PCMT1: variants seen among roughly 807,000 people sequenced by gnomAD.
PCMT1 encodes the protein protein-L-isoaspartate (D-aspartate) O-methyltransferase.
PCMT1 carries 9 observed loss-of-function variants against 29.2 expected under a neutral mutation model. The ratio of observed to expected loss-of-function variants is 0.31; its 90% CI spans 0.19 to 0.54. The LOEUF is 0.54. Ranked by LOEUF, PCMT1 falls within the 20% of genes least tolerant of loss-of-function variation. The pLI is 0.95. For synonymous variants in PCMT1, 98 were observed against 97.5 expected (o/e 1.00, Z -0.03); for missense variants, 184 against 282.2 (o/e 0.65, Z 2.49).
chr6:149,770,933 A>C (rs1426481055), intron 1 of PCMT1, among the ~76,000 whole-genome samples: 6 of 151,612 alleles, frequency 4.0e-5, no homozygotes, highest in Non-Finnish European at 4.4e-5. Flanking sequence ...CAGGAGGCAG[A>C]GCTTGCAGTG....
chr6:149,763,265 A>G (rs1445048582), intron 1 of PCMT1, among the ~76,000 whole-genome samples: 1 of 93,436 alleles, frequency 1.1e-5, no homozygotes, highest in South Asian at 3.1e-4. Flanking sequence ...TATGATATCT[A>G]TGATATAAAT....
chr6:149,807,875 C>T (rs1007466872), intron 7 of PCMT1, among the ~76,000 whole-genome samples: 1 of 152,118 alleles, frequency 6.6e-6, no homozygotes, highest in Admixed American at 6.6e-5. Context: ...CAATTGATCC[C>T]GTGTTCCATA....
intron 1 of PCMT1, among the ~76,000 whole-genome samples, chr6:149,768,202 C>T (rs1463570902): frequency 2.0e-5 from 3 of 151,970 alleles, no homozygotes; most frequent in African/African-American, 7.3e-5. Context: ...AGTGATCCTG[C>T]CACCTCAGCC....
intron 1 of PCMT1, among the ~76,000 whole-genome samples, chr6:149,763,994 A>G (rs1786966076): frequency 6.6e-6 from 1 of 152,242 alleles, no homozygotes; most frequent in Non-Finnish European, 1.5e-5. Flanking sequence ...AGTAAGAACC[A>G]CAATAATGGA....
intron 4 of PCMT1, 34 bp from the exon 5 acceptor site, chr6:149,793,515 C>A (rs762241259): frequency 1.1e-5 from 15 of 1,408,892 alleles, no homozygotes; most frequent in Admixed American, 2.8e-5. Flanking sequence ...CAAATTTAGC[C>A]CAATGAGCTA....
chr6:149,750,213 C>A, intron 1 of PCMT1: 1 of 555,998 alleles, frequency 1.8e-6, no homozygotes, highest in South Asian at 2.3e-5. Context: ...CAGTCGTCTC[C>A]CTGCAGGCCC....
Position 149,763,202 on chromosome 6 carries a change from ATATC to A in PCMT1, c.56-7956_56-7953del, listed in dbSNP as rs1376868437. Among the ~76,000 whole-genome samples the A allele has an allele frequency of 1.9e-4, 9 of 47,128 alleles. 3 individuals are homozygous for A. The highest frequency in any genetic ancestry group is 2.8e-4 in the Non-Finnish European group (9 of 32,530). 30.9% of individuals were successfully genotyped at this position (47,128 alleles called of 152,430 possible). On this transcript the variant is annotated intron_variant, in intron 1 of 7. Transcript: ENST00000464889. The stretch of plus-strand genomic sequence containing the variant: ...TATATCTATGATATCTATGATATAT[ATATC>A]TATGATATCTATGATATAAATATCT...
intron 7 of PCMT1, among the ~76,000 whole-genome samples, chr6:149,810,358 A>G (rs1162029644): frequency 6.6e-6 from 1 of 152,240 alleles, no homozygotes; most frequent in Non-Finnish European, 1.5e-5. Context: ...TGAAGGAAGA[A>G]ATCTATTTTT....
rs150749992 is a variant in PCMT1 at position 149,810,742 on chromosome 6, T to C, written c.*164T>C. ...TGTTTTGGACTTTGTTACACTGTTA[T>C]TTTCAGCATGAAAATGTGTGTTTTT... On this transcript the variant is annotated 3_prime_UTR_variant, in exon 8 of 8. Transcript: ENST00000464889. The C allele has an allele frequency of 1.6e-4, 122 of 753,184 alleles. 1 individual carries two copies. In the African/African-American group the frequency reaches 1.8e-3, roughly 11 times the overall value. 46.7% of individuals were successfully genotyped at this position (753,184 alleles called of 1,614,324 possible). A position where few individuals can be genotyped will look rare whatever the true frequency, so the allele number is the denominator to read the frequency against.
At position 149,773,318 on chromosome 6, in the gene PCMT1, C is replaced by T. The variant is rs1033223663; in HGVS notation, c.192+149C>T. ...AATGAACATCATTTTCTTTTTTGAA[C>T]ATCTTATTCTTAATACAGGGTCTGT... On this transcript the variant is annotated intron_variant, in intron 3 of 7. Transcript: ENST00000464889. The T allele has an allele frequency of 5.2e-5, 34 of 647,758 alleles. No individual in the cohort carries two copies. In the Admixed American group the frequency reaches 9.6e-4, roughly 18 times the overall value. 40.1% of individuals were successfully genotyped at this position (647,758 alleles called of 1,614,324 possible).
intron 3 of PCMT1, among the ~76,000 whole-genome samples, chr6:149,787,096 C>A (rs1788137339): frequency 7.1e-6 from 1 of 141,518 alleles, no homozygotes; most frequent in African/African-American, 2.8e-5. Flanking sequence ...GCCAACACAG[C>A]GAAACCCCGT....
intron 1 of PCMT1, among the ~76,000 whole-genome samples, chr6:149,764,051 A>G (rs534735922): frequency 1.3e-5 from 2 of 152,330 alleles, no homozygotes; most frequent in South Asian, 2.1e-4. Flanking sequence ...GTTAGACTCA[A>G]TGGCTCCTAA....
intron 1 of PCMT1, among the ~76,000 whole-genome samples, chr6:149,762,115 G>T (rs1395160005): frequency 1.3e-5 from 2 of 151,506 alleles, no homozygotes; most frequent in African/African-American, 4.9e-5. Context: ...CCTGGAATTT[G>T]ATTTATCCTC....
chr6:149,804,712 G>A (rs771477559), intron 7 of PCMT1, among the ~76,000 whole-genome samples: 1 of 152,012 alleles, frequency 6.6e-6, no homozygotes, highest in South Asian at 2.1e-4. Context: ...ATGTTGGCCA[G>A]GCTGGTCTCG....
intron 1 of PCMT1, among the ~76,000 whole-genome samples, chr6:149,756,346 T>A (rs1786503073): frequency 7.4e-6 from 1 of 134,360 alleles, no homozygotes; most frequent in Non-Finnish European, 1.5e-5. Flanking sequence ...GAGCATTTAT[T>A]CTTTCCCTTT....
chr6:149,773,253 A>G, intron 3 of PCMT1, 84 bp downstream of exon 3: 1 of 1,102,292 alleles, frequency 9.1e-7, no homozygotes, highest in Admixed American at 1.9e-5. Context: ...ATTTAAAGAA[A>G]GTTGTATCAA....
chr6:149,759,843 T>C (rs1786669881), intron 1 of PCMT1, among the ~76,000 whole-genome samples: 1 of 152,180 alleles, frequency 6.6e-6, no homozygotes, highest in African/African-American at 2.4e-5. Context: ...AGGCCCTCTT[T>C]ATTTTTTTAT....
intron 1 of PCMT1, among the ~76,000 whole-genome samples, chr6:149,767,003 G>C (rs1787112047): frequency 6.6e-6 from 1 of 152,094 alleles, no homozygotes; most frequent in South Asian, 2.1e-4. Context: ...GAGGTCAGGA[G>C]TTCAAGACCA....
chr6:149,787,937 T>C (rs567438947), intron 3 of PCMT1, among the ~76,000 whole-genome samples: 15 of 152,006 alleles, frequency 9.9e-5, no homozygotes, highest in African/African-American at 3.4e-4. Context: ...TGAGATGGAG[T>C]CTTGCTCTGT....
Sources: gnomAD v4.1 joint callset for allele counts (sites outside exome capture counted in the v4.1 genomes callset) on GRCh38, gnomAD v4.1.1 for gene constraint, MANE v1.5 for transcripts, NCBI Gene and HGNC (gene_info 2026-07-23, HGNC 2026-07-21) for gene names.